PDE6A: variants seen among roughly 807,000 people sequenced by gnomAD.
The protein encoded by PDE6A is phosphodiesterase 6A, also known as rod cGMP-specific 3',5'-cyclic phosphodiesterase subunit alpha.
A neutral mutation model predicts 106.3 loss-of-function variants in PDE6A; 84 were observed. The observed-to-expected ratio is 0.79, with a 90% confidence interval of 0.66 to 0.95. PDE6A has a LOEUF of 0.95. PDE6A is among the 40% of genes least tolerant of loss of function. The pLI is 0.00. For synonymous variants in PDE6A, 394 were observed against 386.6 expected (o/e 1.02, Z -0.23); for missense variants, 1,052 against 1,084.9 (o/e 0.97, Z 0.43).
At chr5:149,891,419 G>A (rs187520312) in intron 13 of PDE6A, among the ~76,000 whole-genome samples, 89 of 152,282 alleles carry the variant, frequency 5.8e-4, no homozygotes, top group African/African-American at 2.0e-3. Context: ...GCAGTGAGCC[G>A]AGATCACATC....
Position 149,934,034 on chromosome 5 carries a change from G to A in PDE6A, c.628-15C>T. The stretch of plus-strand genomic sequence containing the variant: ...TTGAGAAGAATCTAAAAATCAAACA[G>A]CATGAGGGGAGGCAGGTGAGAAGAA... On this transcript the variant is annotated splice_polypyrimidine_tract_variant and intron_variant, in intron 2 of 21. Transcript: ENST00000255266. 7.0e-7 allele frequency: 1 copy of A among 1,435,384 alleles called. No individual in the cohort carries two copies. The highest frequency in any genetic ancestry group is 9.8e-7 in the Non-Finnish European group (1 of 1,017,946). 88.9% of individuals were successfully genotyped at this position (1,435,384 alleles called of 1,614,324 possible). A position where few individuals can be genotyped will look rare whatever the true frequency, so the allele number is the denominator to read the frequency against.
At chr5:149,887,144 T>C (rs185764735) in intron 13 of PDE6A, among the ~76,000 whole-genome samples, 44 of 152,184 alleles carry the variant, frequency 2.9e-4, no homozygotes, top group African/African-American at 9.6e-4. Context: ...CGAACACAAA[T>C]ACACAAAGAT....
At chr5:149,894,059 T>C (rs1451104211) in intron 13 of PDE6A, among the ~76,000 whole-genome samples, 3 of 152,198 alleles carry the variant, frequency 2.0e-5, no homozygotes, top group Non-Finnish European at 4.4e-5. Flanking sequence ...AAGCTGATTA[T>C]ACATTAGAGG....
intron 4 of PDE6A, among the ~76,000 whole-genome samples, chr5:149,924,959 G>T (rs779887869): frequency 6.6e-6 from 1 of 152,066 alleles, no homozygotes; most frequent in Non-Finnish European, 1.5e-5. Context: ...GGATCCTCAC[G>T]CCCCAAGAAG....
At chr5:149,936,783 A>G (rs1252187829) in intron 1 of PDE6A, among the ~76,000 whole-genome samples, 1 of 152,232 alleles carries the variant, frequency 6.6e-6, no homozygotes, top group African/African-American at 2.4e-5. Context: ...TAATGGCAAG[A>G]ACCACGATTA....
At position 149,895,254 on chromosome 5, in the gene PDE6A, A is replaced by G; in HGVS notation, c.1657T>C (p.Tyr553His). 1 of 1,614,082 alleles carries G rather than the reference A, an allele frequency of 6.2e-7. No individual in the cohort carries two copies. The highest frequency in any genetic ancestry group is 2.2e-5 in the East Asian group (1 of 44,880). Residue 553 changes from tyrosine to histidine, a missense_variant, in exon 13 of 22, where the codon TAC becomes CAC. By Grantham distance (83) the Tyr-to-His change is moderately conservative. This residue lies in a region of PDE6A where 913 missense variants were observed against 915.2 expected (regional missense o/e 1.00). Coordinates refer to ENST00000255266, the MANE Select transcript of PDE6A (RefSeq NM_000440.3). Reference sequence around the variant, plus strand: ...CAGTTGTGGTAGGTGATCTTGCGGTAGCCCTTACTCAGGGAGTACATGAAC... The same window carrying G: ...CAGTTGTGGTAGGTGATCTTGCGGTGGCCCTTACTCAGGGAGTACATGAAC... ...VRFMYSLSKG[Y>H]RKITYHNWRH...
intron 17 of PDE6A, among the ~76,000 whole-genome samples, chr5:149,870,946 G>GAAAAGAAAAGAAAAGAAAAGAAAAGAAA (rs1561684651): frequency 1.8e-4 from 26 of 147,892 alleles, no homozygotes; most frequent in African/African-American, 4.3e-4. Flanking sequence ...GAGAAGAGAA[G>GAAAAGAAAAGAAAAGAAAAGAAAAGAAA]AGAAAAGAAA....
In PDE6A at chr5:149,870,381, A is replaced by G. The variant is rs1467754894; in HGVS notation, c.2136-2223T>C. Among the ~76,000 whole-genome samples the G allele has an allele frequency of 2.6e-5, 4 of 152,202 alleles. No individual in the cohort carries two copies. In the South Asian group the frequency reaches 8.3e-4, roughly 31 times the overall value. On this transcript the variant is annotated intron_variant, in intron 17 of 21. Coordinates refer to ENST00000255266, the MANE Select transcript of PDE6A (RefSeq NM_000440.3). ...CTCAGAATACATGCCCTGTGCTTTA[A>G]TAAGTGCTGTGGACATGTTTACTTA...
In PDE6A at chr5:149,884,858, G is replaced by A; in HGVS notation, c.1848C>T (p.Asn616=). The part of the protein sequence containing the change: ...TNNLYQMKSQ[N]PLAKLHGSSI... ...AGGACCCATGGAGCTTGGCCAGTGG[G>A]TTCTGGGATCTGAATGAGAAAGAGA... The change falls in exon 15 of 22, where the codon AAC becomes AAT. Residue 616 remains asparagine (N), a synonymous_variant. Transcript: ENST00000255266. 1 of 1,613,670 alleles carries A rather than the reference G, an allele frequency of 6.2e-7. No homozygotes were observed.
chr5:149,870,495 A>T (rs1323614618), intron 17 of PDE6A, among the ~76,000 whole-genome samples: 1 of 152,188 alleles, frequency 6.6e-6, no homozygotes, highest in African/African-American at 2.4e-5. Flanking sequence ...CTGGATGCTT[A>T]CTTTCTTTAG....
intron 6 of PDE6A, among the ~76,000 whole-genome samples, chr5:149,908,886 T>G (rs541755819): frequency 6.6e-6 from 1 of 152,116 alleles, no homozygotes; most frequent in Non-Finnish European, 1.5e-5. Context: ...AACCACTAAG[T>G]AGAATTCACC....
At position 149,944,360 on chromosome 5, in the gene PDE6A, A is replaced by AT. The variant is rs1561795542; in HGVS notation, c.313dup (p.Ile105AsnfsTer44). The AT allele has an allele frequency of 6.2e-7, 1 of 1,614,154 alleles. No homozygotes were observed. On this transcript the variant is annotated frameshift_variant, in exon 1 of 22. Transcript: ENST00000255266. LOFTEE classifies it high-confidence loss of function. ...GAAAAGCCTGGTGGCCAGCTCTGCG[A>AT]TGCCATTGCGGGTCCGGTACATGAA...
intron 17 of PDE6A, among the ~76,000 whole-genome samples, chr5:149,875,335 A>G (rs950201238): frequency 1.3e-5 from 2 of 152,180 alleles, no homozygotes; most frequent in Admixed American, 6.5e-5. Flanking sequence ...GAAACGCTGC[A>G]TTACAGGTCT....
At chr5:149,935,776 G>C (rs1345752617) in intron 1 of PDE6A, among the ~76,000 whole-genome samples, 1 of 152,250 alleles carries the variant, frequency 6.6e-6, no homozygotes, top group Non-Finnish European at 1.5e-5. Context: ...TTGCTTGGGA[G>C]GCGGGCCAGC....
chr5:149,929,263 T>C (rs2113653606), intron 4 of PDE6A, among the ~76,000 whole-genome samples: 1 of 152,234 alleles, frequency 6.6e-6, no homozygotes, highest in South Asian at 2.1e-4. Context: ...GTACATATGA[T>C]GGAAAATTCC....
chr5:149,924,450 GAA>G (rs1491132520), intron 4 of PDE6A, among the ~76,000 whole-genome samples: 53 of 119,016 alleles, frequency 4.5e-4, no homozygotes, highest in Admixed American at 1.8e-3. Flanking sequence ...TTTAGAAATA[GAA>G]ATATATATAT....
intron 1 of PDE6A, among the ~76,000 whole-genome samples, chr5:149,942,685 G>A (rs1754356059): frequency 6.6e-6 from 1 of 151,992 alleles, no homozygotes; most frequent in African/African-American, 2.4e-5. Context: ...TCTAGGTGAG[G>A]GGGATGTGGC....
rs1331353615 is a variant in PDE6A, at chr5:149,899,519, T to C, written c.1119A>G (p.Glu373=). 1 of 1,613,980 alleles carries C rather than the reference T, an allele frequency of 6.2e-7. No homozygotes were observed. Among genetic ancestry groups the C allele is most frequent in the Non-Finnish European group, 8.5e-7 (1 of 1,179,972 alleles). ...TCATCCATCCAGACTCATCCAGAGG[T>C]TCTTTCTACAAGAGAAGGGCTAGAT... ...PAEDFFAFQK[E]PLDESGWMIK... is the part of the protein sequence containing the mutation. The change falls in exon 9 of 22, where the codon GAA becomes GAG. Residue 373 remains glutamate (E), a synonymous_variant. Transcript: ENST00000255266.
chr5:149,903,161 A>C (rs1012454673), intron 8 of PDE6A, among the ~76,000 whole-genome samples: 1 of 149,068 alleles, frequency 6.7e-6, no homozygotes, highest in East Asian at 1.9e-4. Flanking sequence ...AAAAAAAAAA[A>C]AAAAAAACAA....
Sources: gnomAD v4.1 joint callset for allele counts (sites outside exome capture counted in the v4.1 genomes callset) on GRCh38, gnomAD v4.1.1 for gene constraint, gnomAD v4.1.1 regional missense constraint, MANE v1.5 for transcripts, NCBI Gene and HGNC (gene_info 2026-07-23, HGNC 2026-07-21) for gene names.